Variants in SLC38A12 observed in about 807,000 individuals in gnomAD.
SLC38A12 encodes the protein solute carrier family 38 member 12.
chr17:74,826,374 G>A, the SLC38A12 span, among the ~76,000 whole-genome samples: 1 of 152,196 alleles, frequency 6.6e-6, no homozygotes, highest in African/African-American at 2.4e-5. Context: ...TTAGCCACAG[G>A]ATAGAACCTC....
chr17:74,831,399 G>T, the SLC38A12 span, among the ~76,000 whole-genome samples: 8 of 152,340 alleles, frequency 5.3e-5, 1 homozygote, highest in South Asian at 1.7e-3. Context: ...GAACAGTCCA[G>T]TTGGGCCCAT....
the SLC38A12 span, chr17:74,790,079 A>C: frequency 1.4e-6 from 1 of 732,252 alleles, no homozygotes. Flanking sequence ...TCAGCCTCCC[A>C]GGTAGCTAGG....
the SLC38A12 span, among the ~76,000 whole-genome samples, chr17:74,810,290 C>T: frequency 1.3e-5 from 2 of 152,232 alleles, no homozygotes; most frequent in African/African-American, 4.8e-5. Flanking sequence ...ATCTAGGCAT[C>T]AACCGTCAGT....
the SLC38A12 span, among the ~76,000 whole-genome samples, chr17:74,833,231 T>C: frequency 6.6e-6 from 1 of 152,226 alleles, no homozygotes; most frequent in Non-Finnish European, 1.5e-5. Flanking sequence ...GCCAGGCTGG[T>C]CTCAAACTCC....
At chr17:74,799,729 T>C in the SLC38A12 span, among the ~76,000 whole-genome samples, 114 of 152,326 alleles carry the variant, frequency 7.5e-4, no homozygotes, top group African/African-American at 2.6e-3. Context: ...CTGCCAGGAT[T>C]CCATCTTGGC....
the SLC38A12 span, among the ~76,000 whole-genome samples, chr17:74,786,342 AGGAGCACCT>A: frequency 0.36 from 54,568 of 151,868 alleles, 11,595 homozygotes; most frequent in Non-Finnish European, 0.48. Flanking sequence ...AGAGATGGGA[AGGAGCACCT>A]GGAAACACCT....
At chr17:74,824,764 T>C in the SLC38A12 span, among the ~76,000 whole-genome samples, 2 of 152,180 alleles carry the variant, frequency 1.3e-5, no homozygotes, top group Non-Finnish European at 2.9e-5. Context: ...GACACCGTCC[T>C]CTTCAGGCGT....
At chr17:74,801,979 C>T in the SLC38A12 span, among the ~76,000 whole-genome samples, 3 of 152,076 alleles carry the variant, frequency 2.0e-5, no homozygotes, top group South Asian at 6.2e-4. Context: ...TGAACCCCCA[C>T]CACCCCACCC....
chr17:74,794,424 G>A, the SLC38A12 span, among the ~76,000 whole-genome samples: 71,773 of 152,064 alleles, frequency 0.47, 18,230 homozygotes, highest in Non-Finnish European at 0.58. Context: ...GGCCTGTCTT[G>A]AGCACCATCT....
chr17:74,831,949 T>G, the SLC38A12 span, among the ~76,000 whole-genome samples: 1 of 152,242 alleles, frequency 6.6e-6, no homozygotes, highest in Non-Finnish European at 1.5e-5. Context: ...TCGTTTCATC[T>G]TGATTTATGA....
chr17:74,814,993 A>C, the SLC38A12 span, among the ~76,000 whole-genome samples: 1 of 152,162 alleles, frequency 6.6e-6, no homozygotes, highest in African/African-American at 2.4e-5. Flanking sequence ...GCACTTGAGC[A>C]GGGCTCAGAA....
At chr17:74,814,465 C>A in the SLC38A12 span, among the ~76,000 whole-genome samples, 2 of 152,198 alleles carry the variant, frequency 1.3e-5, no homozygotes, top group African/African-American at 4.8e-5. Flanking sequence ...ATATCATTCT[C>A]CCTGAAGCCA....
At chr17:74,802,815 C>T in the SLC38A12 span, among the ~76,000 whole-genome samples, 1 of 152,172 alleles carries the variant, frequency 6.6e-6, no homozygotes, top group Non-Finnish European at 1.5e-5. Flanking sequence ...TTTACCCCAT[C>T]TCCATTGTCT....
chr17:74,788,294 T>C, the SLC38A12 span, among the ~76,000 whole-genome samples: 1 of 152,208 alleles, frequency 6.6e-6, no homozygotes, highest in Non-Finnish European at 1.5e-5. Flanking sequence ...CAAGTACCCA[T>C]TTCCAATTAT....
At chr17:74,811,463 G>C in the SLC38A12 span, among the ~76,000 whole-genome samples, 37,145 of 152,150 alleles carry the variant, frequency 0.24, 4,847 homozygotes, top group East Asian at 0.41. Flanking sequence ...GCTCAGGCCT[G>C]TAATTCCAGC....
chr17:74,839,355 G>A, the SLC38A12 span: 2 of 542,208 alleles, frequency 3.7e-6, no homozygotes, highest in Non-Finnish European at 6.2e-6. Context: ...CCCCGCTCCT[G>A]GAAAGCCACT....
chr17:74,802,834 A>G, the SLC38A12 span, among the ~76,000 whole-genome samples: 6 of 152,144 alleles, frequency 3.9e-5, no homozygotes, highest in Non-Finnish European at 7.3e-5. Flanking sequence ...CTGTAAAATA[A>G]TGAGTATAGC....
chr17:74,790,139 T>C, the SLC38A12 span: 2 of 1,369,860 alleles, frequency 1.5e-6, no homozygotes, highest in Non-Finnish European at 2.1e-6. Context: ...ACTTTTTTGA[T>C]GTGCTCCTTT....
chr17:74,808,099 G>A, the SLC38A12 span, among the ~76,000 whole-genome samples: 6 of 152,364 alleles, frequency 3.9e-5, no homozygotes, highest in African/African-American at 9.6e-5. Flanking sequence ...GCCCACCATC[G>A]GGTACCATCT....
Sources: gnomAD v4.1 joint callset for allele counts (sites outside exome capture counted in the v4.1 genomes callset) on GRCh38, gnomAD v4.1.1 for gene constraint, MANE v1.5 for transcripts, NCBI Gene and HGNC (gene_info 2026-07-23, HGNC 2026-07-21) for gene names.